VPS13B: variants seen among roughly 807,000 people sequenced by gnomAD.
VPS13B encodes the protein intermembrane lipid transfer protein VPS13B.
In VPS13B, 285 loss-of-function variants were observed where a neutral mutation model predicts 426.4. That is an observed-to-expected ratio of 0.67 (90% confidence interval 0.61 to 0.74). The LOEUF is 0.74. Ranked by LOEUF, VPS13B falls within the 30% of genes least tolerant of loss-of-function variation. The pLI, the probability that VPS13B is intolerant of heterozygous loss-of-function variation, is 0.00. For synonymous variants in VPS13B, 1,676 were observed against 1,676.4 expected, an observed-to-expected ratio of 1.00 and a Z score of 0.01; for missense variants, 4,537 against 4,782.6, an observed-to-expected ratio of 0.95 and a Z score of 1.51.
In VPS13B at chr8:99,661,503, A is replaced by G; in HGVS notation, c.6046+12A>G. 6.2e-7 allele frequency: 1 copy of G among 1,611,736 alleles called. No individual in the cohort carries two copies. Among genetic ancestry groups the G allele is most frequent in the Non-Finnish European group, 8.5e-7 (1 of 1,179,510 alleles). On this transcript the variant is annotated intron_variant, in intron 35 of 61. Coordinates refer to ENST00000357162, the MANE Select transcript of VPS13B (RefSeq NM_152564.5). ...TCTGAATGGACCAGGTAAGAAAGTC[A>G]TAAAATTTACATGTGTGTACATTTT...
chr8:99,195,753 A>G (rs6991585), intron 17 of VPS13B, among the ~76,000 whole-genome samples: 125,733 of 152,170 alleles, frequency 0.83, 52,464 homozygotes, highest in South Asian at 0.89. Context: ...TGTTAGATAA[A>G]GATTCAATCT....
intron 51 of VPS13B, among the ~76,000 whole-genome samples, chr8:99,828,643 A>G (rs1364551546): frequency 6.6e-6 from 1 of 151,868 alleles, no homozygotes; most frequent in East Asian, 1.9e-4. Context: ...TGTCATCATG[A>G]TGCTAGTTGG....
chr8:99,576,152 GA>G (rs1563805412), intron 32 of VPS13B, among the ~76,000 whole-genome samples: 1 of 152,168 alleles, frequency 6.6e-6, no homozygotes, highest in East Asian at 1.9e-4. Context: ...CTGATCAATA[GA>G]AGAAATAATT....
chr8:99,428,817 A>G (rs1371587547), intron 21 of VPS13B, among the ~76,000 whole-genome samples: 1 of 152,196 alleles, frequency 6.6e-6, no homozygotes, highest in African/African-American at 2.4e-5. Context: ...GCTGCTATAA[A>G]GACACATGCA....
intron 30 of VPS13B, among the ~76,000 whole-genome samples, chr8:99,552,245 A>G (rs894016341): frequency 6.6e-6 from 1 of 151,920 alleles, no homozygotes; most frequent in African/African-American, 2.4e-5. Context: ...TACTTTTTAA[A>G]TAATTATTTT....
intron 13 of VPS13B, among the ~76,000 whole-genome samples, chr8:99,146,949 A>G (rs561632216): frequency 3.2e-4 from 48 of 151,964 alleles, no homozygotes; most frequent in Non-Finnish European, 5.9e-4. Context: ...TTCCAGGGAA[A>G]CTGTTTTATG....
intron 19 of VPS13B, chr8:99,347,622 CTAGCTTG>C (rs1237183579): frequency 6.6e-6 from 1 of 152,246 alleles, no homozygotes; most frequent in African/African-American, 2.4e-5. Flanking sequence ...TGGATCAGAT[CTAGCTTG>C]AGATTGTGCC....
At chr8:99,086,206 A>T (rs1373702768) in intron 3 of VPS13B, among the ~76,000 whole-genome samples, 1 of 152,024 alleles carries the variant, frequency 6.6e-6, no homozygotes, top group African/African-American at 2.4e-5. Flanking sequence ...CATTTCATTC[A>T]TTTGATCTCC....
chr8:99,796,693 C>G (rs994413401), intron 43 of VPS13B: 12 of 152,274 alleles, frequency 7.9e-5, no homozygotes, highest in African/African-American at 2.7e-4. Flanking sequence ...TTCTGTGGGT[C>G]TCACCTGGTC....
chr8:99,155,112 G>T (rs1438039791), intron 14 of VPS13B, among the ~76,000 whole-genome samples: 3 of 151,674 alleles, frequency 2.0e-5, no homozygotes, highest in Non-Finnish European at 4.4e-5. Flanking sequence ...ACTGGAAAAT[G>T]TAAGGATACA....
chr8:99,525,239 GATATAA>G (rs1822583885), intron 30 of VPS13B, among the ~76,000 whole-genome samples: 1 of 151,452 alleles, frequency 6.6e-6, no homozygotes, highest in South Asian at 2.1e-4. Context: ...AGTACAATAA[GATATAA>G]ATAGAAACAA....
chr8:99,677,170 C>T (rs1420318963), intron 35 of VPS13B, among the ~76,000 whole-genome samples: 1 of 152,194 alleles, frequency 6.6e-6, no homozygotes, highest in Non-Finnish European at 1.5e-5. Context: ...GTTCATCTTA[C>T]CCAAAATATC....
intron 21 of VPS13B, among the ~76,000 whole-genome samples, chr8:99,405,252 T>C (rs1338062413): frequency 6.6e-6 from 1 of 152,166 alleles, no homozygotes; most frequent in Non-Finnish European, 1.5e-5. Flanking sequence ...TATGGGGTGC[T>C]CAAGCCTAAC....
intron 23 of VPS13B, among the ~76,000 whole-genome samples, chr8:99,459,922 C>A (rs1435120714): frequency 6.6e-6 from 1 of 152,058 alleles, no homozygotes; most frequent in Non-Finnish European, 1.5e-5. Flanking sequence ...ATAGCTACTT[C>A]AGCTTTCTTA....
intron 51 of VPS13B, among the ~76,000 whole-genome samples, chr8:99,827,322 A>AT (rs1356568274): frequency 6.6e-6 from 1 of 152,100 alleles, no homozygotes; most frequent in African/African-American, 2.4e-5. Context: ...CCATGCATTC[A>AT]TCCATTTCTT....
chr8:99,819,984 T>C lies in VPS13B; in HGVS notation c.8856T>C (p.Tyr2952=), dbSNP rs748460604. 3 of 1,613,956 alleles carry C rather than the reference T, an allele frequency of 1.9e-6. No homozygotes were observed. The highest frequency in any genetic ancestry group is 2.5e-6 in the Non-Finnish European group (3 of 1,179,948). Residue 2952 remains tyrosine, a synonymous_variant, in exon 49 of 62, where the codon TAT becomes TAC. Transcript: ENST00000357162. ...TGAAGCTGTCAATCTGGAAGCCATA[T>C]GTTAGAACTTTGTTGATAGAACTTC... ...MRVKLSIWKP[Y]VRTLLIELLP... is the part of the protein sequence containing the mutation.
intron 61 of VPS13B, 57 bp from the exon 62 acceptor site, chr8:99,875,361 T>C: frequency 6.2e-7 from 1 of 1,612,044 alleles, no homozygotes; most frequent in Non-Finnish European, 8.5e-7. Flanking sequence ...GAACTAATTT[T>C]GTTCTGGAAC....
intron 7 of VPS13B, among the ~76,000 whole-genome samples, chr8:99,116,155 G>A (rs577111440): frequency 4.7e-4 from 71 of 151,866 alleles, no homozygotes; most frequent in African/African-American, 1.6e-3. Context: ...AGCCTCCCAA[G>A]TAGCTGGGAT....
intron 33 of VPS13B, among the ~76,000 whole-genome samples, chr8:99,628,598 G>A (rs188129088): frequency 6.6e-6 from 1 of 152,276 alleles, no homozygotes; most frequent in African/African-American, 2.4e-5. Flanking sequence ...TTGCCATCTA[G>A]TAAGGAAACA....
Sources: allele counts gnomAD v4.1 joint callset (sites outside exome capture counted in the v4.1 genomes callset), GRCh38; gene constraint gnomAD v4.1.1; transcripts MANE v1.5; gene names NCBI Gene and HGNC (gene_info 2026-07-23, HGNC 2026-07-21).